DAB1: variants seen among roughly 807,000 people sequenced by gnomAD.
DAB1 encodes DAB adaptor protein 1.
A neutral mutation model predicts 64.6 loss-of-function variants in DAB1; 15 were observed. The observed-to-expected ratio is 0.23, with a 90% CI of 0.16 to 0.36. The LOEUF (loss-of-function observed/expected upper bound fraction) is 0.36, where lower values mean the gene tolerates loss of function less well. Ranked by LOEUF, DAB1 falls within the 10% of genes least tolerant of loss-of-function variation. DAB1 has a pLI of 1.00. For missense variants in DAB1, 596 were observed against 706.7 expected (o/e 0.84, Z 1.78); for synonymous variants, 235 against 251.9 (o/e 0.93, Z 0.64).
intron 7 of DAB1, among the ~76,000 whole-genome samples, chr1:57,447,608 A>G (rs776392611): frequency 6.6e-6 from 1 of 152,216 alleles, no homozygotes; most frequent in Non-Finnish European, 1.5e-5. Context: ...ATATTATATG[A>G]TGGTTACACA....
At chr1:57,112,162 T>C (rs1178243448) in intron 4 of DAB1, among the ~76,000 whole-genome samples, 1 of 152,206 alleles carries the variant, frequency 6.6e-6, no homozygotes, top group Non-Finnish European at 1.5e-5. Flanking sequence ...ACCTGTTTTA[T>C]TTCAGCATTC....
chr1:57,016,861 C>G (rs1346180488), intron 11 of DAB1, among the ~76,000 whole-genome samples: 3 of 152,144 alleles, frequency 2.0e-5, no homozygotes, highest in Non-Finnish European at 4.4e-5. Context: ...TGTTTTATGT[C>G]TTCACGAAAT....
intron 2 of DAB1, among the ~76,000 whole-genome samples, chr1:57,228,904 T>C (rs1667464095): frequency 6.6e-6 from 1 of 152,230 alleles, no homozygotes; most frequent in African/African-American, 2.4e-5. Context: ...ATAAACTACT[T>C]ACATCAACAT....
intron 2 of DAB1, among the ~76,000 whole-genome samples, chr1:58,521,324 A>C (rs1333129112): frequency 2.5e-5 from 3 of 120,780 alleles, no homozygotes; most frequent in South Asian, 3.7e-4. Context: ...AAATGTATGT[A>C]CTAGAAAAAA....
intron 7 of DAB1, among the ~76,000 whole-genome samples, chr1:57,519,920 T>C (rs1244952614): frequency 6.6e-6 from 1 of 152,236 alleles, no homozygotes; most frequent in Non-Finnish European, 1.5e-5. Context: ...GAAATGACTA[T>C]GAATAACTCA....
chr1:57,888,109 G>A (rs539597530), upstream of DAB1, among the ~76,000 whole-genome samples: 7 of 152,098 alleles, frequency 4.6e-5, no homozygotes, highest in African/African-American at 9.7e-5. Flanking sequence ...GTAGGGCCCC[G>A]ACCACGACAT....
chr1:57,046,210 A>G (rs1198258286), intron 9 of DAB1, among the ~76,000 whole-genome samples: 2 of 152,232 alleles, frequency 1.3e-5, no homozygotes, highest in Non-Finnish European at 2.9e-5. Context: ...AGTGTCAAAA[A>G]TGATTGTTAA....
intron 6 of DAB1, among the ~76,000 whole-genome samples, chr1:57,790,166 TC>T (rs1650527343): frequency 1.3e-5 from 2 of 152,152 alleles, no homozygotes; most frequent in Admixed American, 1.3e-4. Context: ...CCAAATCTCA[TC>T]TTGAATTGTA....
chr1:57,951,346 T>C (rs1645276255), intron 5 of DAB1, among the ~76,000 whole-genome samples: 1 of 69,820 alleles, frequency 1.4e-5, no homozygotes, highest in Non-Finnish European at 3.6e-5. Context: ...CCCTGGAAAC[T>C]TAAATTAGCC....
At chr1:57,608,576 C>T (rs564865934) in intron 7 of DAB1, among the ~76,000 whole-genome samples, 1 of 152,292 alleles carries the variant, frequency 6.6e-6, no homozygotes, top group South Asian at 2.1e-4. Flanking sequence ...TACCATCAAA[C>T]AAATTAGTAT....
intron 14 of DAB1, among the ~76,000 whole-genome samples, chr1:56,999,105 C>T (rs145621135): frequency 6.7e-6 from 1 of 148,844 alleles, no homozygotes; most frequent in African/African-American, 2.5e-5. Flanking sequence ...CCTGCCTTGT[C>T]ATATAGGTTC....
At chr1:58,169,529 A>AG (rs1212435264) in intron 4 of DAB1, among the ~76,000 whole-genome samples, 5 of 152,174 alleles carry the variant, frequency 3.3e-5, no homozygotes, top group Non-Finnish European at 7.4e-5. Flanking sequence ...GGGGAAAAAA[A>AG]GCCATCTGAG....
At chr1:57,873,811 T>C (rs575364655) in intron 1 of DAB1, among the ~76,000 whole-genome samples, 14 of 152,314 alleles carry the variant, frequency 9.2e-5, no homozygotes, top group Non-Finnish European at 1.6e-4. Context: ...AATAATACTA[T>C]TTATGCACAG....
chr1:57,057,897 C>T (rs376973316), intron 9 of DAB1, among the ~76,000 whole-genome samples: 37 of 152,242 alleles, frequency 2.4e-4, no homozygotes, highest in Admixed American at 5.2e-4. Context: ...CATGAGCCAC[C>T]GCGCCCGGCC....
At chr1:57,922,130 T>C (rs1644816410) in intron 5 of DAB1, among the ~76,000 whole-genome samples, 1 of 152,236 alleles carries the variant, frequency 6.6e-6, no homozygotes, top group Non-Finnish European at 1.5e-5. Context: ...AATGGTAATA[T>C]TCCCCTCCTG....
At chr1:57,221,886 G>A (rs1666902884) in intron 2 of DAB1, among the ~76,000 whole-genome samples, 1 of 141,932 alleles carries the variant, frequency 7.0e-6, no homozygotes, top group Admixed American at 7.8e-5. Flanking sequence ...GTAGTTAAAT[G>A]TCATTTTTTT....
chr1:57,803,565 C>T (rs994743563), intron 6 of DAB1, among the ~76,000 whole-genome samples: 2 of 152,170 alleles, frequency 1.3e-5, no homozygotes, highest in Non-Finnish European at 1.5e-5. Context: ...GGTGCCAGAT[C>T]TAAGATTTAA....
At chr1:57,688,564 G>A (rs984528354) in intron 6 of DAB1, among the ~76,000 whole-genome samples, 1 of 151,920 alleles carries the variant, frequency 6.6e-6, no homozygotes, top group Non-Finnish European at 1.5e-5. Flanking sequence ...ACCATTACTG[G>A]GTACGTACCC....
chr1:57,129,558 GA>G (rs926891688), intron 4 of DAB1, among the ~76,000 whole-genome samples: 2 of 152,106 alleles, frequency 1.3e-5, no homozygotes, highest in Admixed American at 1.3e-4. Flanking sequence ...ATAGGAAAAA[GA>G]AGAGGACACT....
Sources: allele counts gnomAD v4.1 joint callset (sites outside exome capture counted in the v4.1 genomes callset), GRCh38; gene constraint gnomAD v4.1.1; transcripts MANE v1.5; gene names NCBI Gene and HGNC (gene_info 2026-07-23, HGNC 2026-07-21).